CNTNAP5: variants seen among roughly 807,000 people sequenced by gnomAD.
CNTNAP5 encodes the protein contactin-associated protein-like 5.
In CNTNAP5, 72 loss-of-function variants were observed where a neutral mutation model predicts 150.2. The observed-to-expected ratio is 0.48, with a 90% CI of 0.40 to 0.58. CNTNAP5 has a LOEUF of 0.58. Among genes scored for constraint, CNTNAP5 ranks in the 20% least tolerant of loss-of-function variants. The pLI is 0.00. For synonymous variants in CNTNAP5, 672 were observed against 619.8 expected (o/e 1.08, Z -1.25); for missense variants, 1,636 against 1,626.2 (o/e 1.01, Z -0.10).
At chr2:124,852,124 G>A (rs1429178301) in intron 19 of CNTNAP5, among the ~76,000 whole-genome samples, 1 of 152,166 alleles carries the variant, frequency 6.6e-6, no homozygotes, top group African/African-American at 2.4e-5. Flanking sequence ...GGAAGAGATT[G>A]TAGTCAGAAA....
At chr2:124,501,830 A>G (rs1369808181) in intron 7 of CNTNAP5, among the ~76,000 whole-genome samples, 6 of 152,202 alleles carry the variant, frequency 3.9e-5, no homozygotes, top group Non-Finnish European at 1.5e-5. Flanking sequence ...GAGCTGGGTC[A>G]GATTCTGTGT....
At position 124,861,544 on chromosome 2, in the gene CNTNAP5, C is replaced by T. The variant is rs183707211; in HGVS notation, c.3218-3762C>T. ...TGGAGGTTGCAGTGAGCCGAGATCA[C>T]GCCACTGCACTCCAGCCAGGGTGGC... On this transcript the variant is annotated intron_variant, in intron 19 of 23. Transcript: ENST00000682447. Among the ~76,000 whole-genome samples the T allele has an allele frequency of 1.1e-3, 167 of 152,032 alleles. 2 individuals are homozygous for T. Among genetic ancestry groups the T allele is most frequent in the African/African-American group, 3.6e-3 (148 of 41,466 alleles).
intron 3 of CNTNAP5, among the ~76,000 whole-genome samples, chr2:124,328,324 G>A (rs1689270574): frequency 6.6e-6 from 1 of 152,114 alleles, no homozygotes; most frequent in East Asian, 1.9e-4. Context: ...TTTATCCTTA[G>A]CTTCCATGCA....
At chr2:124,205,262 G>T (rs1685833292) in intron 1 of CNTNAP5, among the ~76,000 whole-genome samples, 1 of 152,066 alleles carries the variant, frequency 6.6e-6, no homozygotes, top group African/African-American at 2.4e-5. Flanking sequence ...AGATCTGATG[G>T]TTTTATAAAC....
chr2:124,767,445 G>A (rs1223916347), intron 16 of CNTNAP5, among the ~76,000 whole-genome samples: 1 of 152,170 alleles, frequency 6.6e-6, no homozygotes, highest in East Asian at 1.9e-4. Context: ...ATCTCACAAT[G>A]GCTGTACAGG....
intron 20 of CNTNAP5, among the ~76,000 whole-genome samples, chr2:124,867,487 T>G: frequency 6.6e-6 from 1 of 152,344 alleles, no homozygotes; most frequent in Admixed American, 6.5e-5. Flanking sequence ...GTGTTATCTT[T>G]CCTTGTCCTC....
chr2:124,766,741 G>A (rs1353300001), intron 16 of CNTNAP5, among the ~76,000 whole-genome samples: 1 of 152,112 alleles, frequency 6.6e-6, no homozygotes, highest in Non-Finnish European at 1.5e-5. Flanking sequence ...CATTAAAGCA[G>A]CAGCAAACGT....
chr2:124,079,711 G>T (rs2104673097), intron 1 of CNTNAP5, among the ~76,000 whole-genome samples: 1 of 152,250 alleles, frequency 6.6e-6, no homozygotes, highest in Non-Finnish European at 1.5e-5. Context: ...GTGTGTATGA[G>T]CATGCGTGTG....
At chr2:124,035,020 CCCTT>C (rs148072079) in intron 1 of CNTNAP5, among the ~76,000 whole-genome samples, 72,177 of 125,704 alleles carry the variant, frequency 0.57, 21,148 homozygotes, top group Non-Finnish European at 0.61. Context: ...TCCCCTCCCT[CCCTT>C]CCTTCCTTCC....
At chr2:124,620,468 G>T (rs1309480531) in intron 12 of CNTNAP5, among the ~76,000 whole-genome samples, 1 of 152,028 alleles carries the variant, frequency 6.6e-6, no homozygotes, top group East Asian at 1.9e-4. Flanking sequence ...CTCTCTCCAA[G>T]TTGCTGTTTC....
chr2:124,536,438 G>A (rs62172623), intron 10 of CNTNAP5, among the ~76,000 whole-genome samples: 29,288 of 151,708 alleles, frequency 0.19, 3,389 homozygotes, highest in Non-Finnish European at 0.24. Context: ...GTTGGGGGCC[G>A]GGGCATCTGT....
Position 124,142,923 on chromosome 2 carries a change from A to T in CNTNAP5, c.83-78782A>T, listed in dbSNP as rs545455571. ...ACTAATAAAGCAAAAAAGAGAGAAG[A>T]ATCAAATAGACACAATAAAAAATGA... On this transcript the variant is annotated intron_variant, in intron 1 of 23. Transcript: ENST00000682447. Among the ~76,000 whole-genome samples, 30 of 145,428 alleles carry T rather than the reference A, an allele frequency of 2.1e-4. No homozygotes were observed. The South Asian group carries it at 2.9e-3, about 14-fold the overall frequency.
At chr2:124,451,176 T>G (rs1692972373) in intron 6 of CNTNAP5, among the ~76,000 whole-genome samples, 1 of 149,578 alleles carries the variant, frequency 6.7e-6, no homozygotes, top group Non-Finnish European at 1.5e-5. Flanking sequence ...TATTATCACT[T>G]CATAGATACT....
intron 7 of CNTNAP5, among the ~76,000 whole-genome samples, chr2:124,481,164 T>A (rs1199636553): frequency 2.0e-5 from 3 of 152,190 alleles, no homozygotes; most frequent in Non-Finnish European, 4.4e-5. Flanking sequence ...TCCCTGTGTC[T>A]TCCTCCTTCC....
At chr2:124,497,202 C>T (rs1401833726) in intron 7 of CNTNAP5, among the ~76,000 whole-genome samples, 1 of 152,106 alleles carries the variant, frequency 6.6e-6, no homozygotes, top group Admixed American at 6.6e-5. Flanking sequence ...AGCTAAATGG[C>T]TTGAGTCACT....
chr2:124,556,758 A>G (rs1328565084), intron 10 of CNTNAP5, among the ~76,000 whole-genome samples: 1 of 152,150 alleles, frequency 6.6e-6, no homozygotes, highest in Non-Finnish European at 1.5e-5. Context: ...AGCATCTTCA[A>G]GTTTCGGGAC....
chr2:124,684,839 G>T (rs998459388), intron 13 of CNTNAP5, among the ~76,000 whole-genome samples: 1 of 152,066 alleles, frequency 6.6e-6, no homozygotes, highest in Admixed American at 6.6e-5. Flanking sequence ...CTTACATTTG[G>T]GGAAACTGAT....
chr2:124,387,868 T>A (rs527840993), intron 3 of CNTNAP5, among the ~76,000 whole-genome samples: 40 of 152,268 alleles, frequency 2.6e-4, no homozygotes, highest in African/African-American at 8.4e-4. Flanking sequence ...TCCACAGCCC[T>A]CCTATCTTAG....
chr2:124,301,059 T>C (rs530977416), intron 3 of CNTNAP5, among the ~76,000 whole-genome samples: 1 of 152,344 alleles, frequency 6.6e-6, no homozygotes, highest in East Asian at 1.9e-4. Context: ...GTATCTAAGC[T>C]CACACTTGTT....
Sources: allele counts gnomAD v4.1 joint callset (sites outside exome capture counted in the v4.1 genomes callset), GRCh38; gene constraint gnomAD v4.1.1; transcripts MANE v1.5; gene names NCBI Gene and HGNC (gene_info 2026-07-23, HGNC 2026-07-21).